Variants in COL5A1 observed in about 807,000 individuals in gnomAD.
COL5A1 encodes the protein collagen type V alpha 1 chain.
Under a neutral mutation model 263.7 loss-of-function variants are expected in COL5A1, and 16 were observed. The ratio of observed to expected loss-of-function variants is 0.06; its 90% CI spans 0.04 to 0.09. The LOEUF is 0.09. Among genes scored for constraint, COL5A1 ranks in the 10% least tolerant of loss-of-function variants. The pLI is 1.00. For synonymous variants in COL5A1, 1,012 were observed against 1,004.5 expected, an observed-to-expected ratio of 1.01 and a Z score of -0.14; for missense variants, 2,036 against 2,540.5, an observed-to-expected ratio of 0.80 and a Z score of 4.27.
At chr9:134,811,740 A>G (rs1018577362) in intron 46 of COL5A1, 141 bp downstream of exon 46, 10 of 727,640 alleles carry the variant, frequency 1.4e-5, no homozygotes, top group African/African-American at 5.3e-5. Flanking sequence ...CCTCATTCCA[A>G]CTGGAAGTGC....
chr9:134,843,155 CTTTT>C lies in COL5A1; in HGVS notation c.*862_*865del, dbSNP rs57599653. The stretch of plus-strand genomic sequence containing the variant: ...CAGACAGTTTTTGATTCGCTCTAGA[CTTTT>C]TTTTTTTTTAATAGGGAAAAAATTT... On this transcript the variant is annotated 3_prime_UTR_variant, in exon 66 of 66. Transcript: ENST00000371817. 1 of 108,528 alleles carries C rather than the reference CTTTT, an allele frequency of 9.2e-6. No homozygotes were observed. Among genetic ancestry groups the C allele is most frequent in the Non-Finnish European group, 2.1e-5 (1 of 48,132 alleles). 6.7% of individuals were successfully genotyped at this position (108,528 alleles called of 1,614,324 possible). A position where few individuals can be genotyped will look rare whatever the true frequency, so the allele number is the denominator to read the frequency against.
chr9:134,796,138 G>A (rs898527277), intron 34 of COL5A1, among the ~76,000 whole-genome samples: 3 of 152,232 alleles, frequency 2.0e-5, no homozygotes, highest in African/African-American at 7.2e-5. Flanking sequence ...TTCTGGAAAT[G>A]TCCAGCCTTG....
intron 11 of COL5A1, among the ~76,000 whole-genome samples, chr9:134,748,130 C>T: frequency 8.6e-6 from 1 of 115,814 alleles, no homozygotes; most frequent in African/African-American, 3.2e-5. Flanking sequence ...CATGCATCCA[C>T]ACATGCATAC....
At chr9:134,831,875 A>C (rs1241395770) in intron 64 of COL5A1, among the ~76,000 whole-genome samples, 1 of 152,172 alleles carries the variant, frequency 6.6e-6, no homozygotes, top group African/African-American at 2.4e-5. Context: ...GACCCAGGGA[A>C]CACATCAGCT....
At chr9:134,698,807 C>T (rs1833571475) in intron 2 of COL5A1, among the ~76,000 whole-genome samples, 1 of 152,274 alleles carries the variant, frequency 6.6e-6, no homozygotes, top group Non-Finnish European at 1.5e-5. Flanking sequence ...TTTGTTCCCA[C>T]TTCTAAAGAA....
In COL5A1 at chr9:134,794,781, G is replaced by A. The variant is rs75633644; in HGVS notation, c.2701-301G>A. On this transcript the variant is annotated intron_variant, in intron 32 of 65. Transcript: ENST00000371817. The surrounding 1 kb of genome is among the most constrained non-coding windows in gnomAD (Gnocchi z 4.3). ...GGAGGGAGGAAGGAGGAGGAGGGATGTAGCGGTGCTCTGAGGAAAGAAACC... is the reference window on the plus strand; with the variant it reads ...GGAGGGAGGAAGGAGGAGGAGGGATATAGCGGTGCTCTGAGGAAAGAAACC... Among the ~76,000 whole-genome samples, 6,451 of 152,314 alleles carry A rather than the reference G, an allele frequency of 0.042. 172 individuals are homozygous for A. Among genetic ancestry groups the A allele is most frequent in the Non-Finnish European group, 0.063 (4,280 of 68,024 alleles).
rs1278425850 is a variant in COL5A1 at position 134,772,718 on chromosome 9, C to T, written c.2287-72C>T. ...GGGCTCCATGATCATGGATGCTACG[C>T]AGGGAGGGGAAGCGAGGGAGGCTGC... On this transcript the variant is annotated intron_variant, in intron 25 of 65. Transcript: ENST00000371817. The T allele has an allele frequency of 5.5e-6, 8 of 1,448,482 alleles. No individual in the cohort carries two copies. The African/African-American group carries it at 8.4e-5, about 15-fold the overall frequency. The allele number at this position is 1,448,482 out of a possible 1,614,324, so 89.7% of individuals were successfully genotyped here. A position where few individuals can be genotyped will look rare whatever the true frequency, so the allele number is the denominator to read the frequency against.
At chr9:134,829,923 G>A (rs35176112) in intron 63 of COL5A1, 53 bp from the exon 64 acceptor site, 1 of 1,573,518 alleles carries the variant, frequency 6.4e-7, no homozygotes, top group Non-Finnish European at 8.7e-7. Flanking sequence ...GGCCGGAGAA[G>A]TAACCCTTTT....
In COL5A1 at chr9:134,841,019, C is replaced by G. The variant is rs766186758; in HGVS notation, c.5371-1138C>G. ...AGCTGCTGTCTGCTATCCGAATCTC[C>G]GGCCTGGGAGTCTGCGCTGGGCCCT... is the stretch of plus-strand genomic sequence containing the variant. On this transcript the variant is annotated intron_variant, in intron 65 of 65. Coordinates refer to ENST00000371817, the MANE Select transcript of COL5A1 (RefSeq NM_000093.5). The surrounding 1 kb of genome is among the most constrained non-coding windows in gnomAD (Gnocchi z 4.8). Among the ~76,000 whole-genome samples the G allele has an allele frequency of 2.0e-5, 3 of 152,220 alleles. No individual in the cohort carries two copies.
At chr9:134,738,957 A>T (rs1835202723) in intron 11 of COL5A1, 149 bp downstream of exon 11, 5 of 701,044 alleles carry the variant, frequency 7.1e-6, no homozygotes, top group South Asian at 3.3e-5. Flanking sequence ...CACTCCTCAC[A>T]CCAGCCCCGT....
At chr9:134,730,885 G>A (rs528589340) in intron 7 of COL5A1, among the ~76,000 whole-genome samples, 11 of 152,264 alleles carry the variant, frequency 7.2e-5, no homozygotes, top group African/African-American at 1.9e-4. Context: ...CAAATACAGC[G>A]AAGCAGGAGC....
At chr9:134,722,190 G>A (rs956333267) in intron 4 of COL5A1, among the ~76,000 whole-genome samples, 5 of 152,232 alleles carry the variant, frequency 3.3e-5, no homozygotes, top group South Asian at 2.1e-4. Flanking sequence ...TCGAAGTGAA[G>A]GGACCTCATG....
At chr9:134,811,211 G>A (rs1838508958) in intron 44 of COL5A1, 128 bp from the exon 45 acceptor site, 5 of 852,950 alleles carry the variant, frequency 5.9e-6, no homozygotes, top group Middle Eastern at 3.0e-4. Flanking sequence ...TGCAAGGAAC[G>A]ACACATTTGG....
At chr9:134,708,231 C>T (rs4295732) in intron 4 of COL5A1, among the ~76,000 whole-genome samples, 11,296 of 152,200 alleles carry the variant, frequency 0.074, 1,218 homozygotes, top group African/African-American at 0.24. Context: ...TCCACCGCCT[C>T]GGGCAGCCCC....
intron 1 of COL5A1, among the ~76,000 whole-genome samples, chr9:134,672,885 G>C (rs1225343614): frequency 1.3e-5 from 2 of 152,082 alleles, no homozygotes; most frequent in Non-Finnish European, 2.9e-5. Flanking sequence ...TGAACAGTTA[G>C]AAACAGGAAT....
intron 1 of COL5A1, chr9:134,649,489 T>C: frequency 6.4e-6 from 3 of 471,332 alleles, no homozygotes; most frequent in Non-Finnish European, 1.3e-5. Context: ...ATTTTCTGTT[T>C]CCTAGACCCG....
At chr9:134,825,985 G>A (rs1839249104) in intron 63 of COL5A1, 81 bp downstream of exon 63, 5 of 853,806 alleles carry the variant, frequency 5.9e-6, no homozygotes, top group South Asian at 5.6e-5. Flanking sequence ...AGCATTTCTT[G>A]TATATGCAGC....
intron 1 of COL5A1, among the ~76,000 whole-genome samples, chr9:134,663,475 G>A (rs1464112862): frequency 2.0e-5 from 3 of 152,202 alleles, no homozygotes; most frequent in East Asian, 1.9e-4. Context: ...GGAGGCCATG[G>A]GCACTTGAGG....
rs55882557 is a variant in COL5A1 at position 134,703,627 on chromosome 9, G to GTTTTTT, written c.654+2317_654+2322dup. 9.6e-5 allele frequency among the ~76,000 whole-genome samples: 7 copies of GTTTTTT among 73,230 alleles called. 1 individual carries two copies. Among genetic ancestry groups the GTTTTTT allele is most frequent in the African/African-American group, 3.4e-4 (6 of 17,524 alleles). The allele number at this position is 73,230 out of a possible 152,430, so 48.0% of individuals were successfully genotyped here. ...ATGGGAGGCCACGCGGTGGCCTCGG[G>GTTTTTT]TTTTTTTTTTTTTTTTTTTTTTTTT... On this transcript the variant is annotated intron_variant, in intron 4 of 65. Transcript: ENST00000371817.
Sources: gnomAD v4.1 joint callset for allele counts (sites outside exome capture counted in the v4.1 genomes callset) on GRCh38, gnomAD v4.1.1 for gene constraint, Gnocchi (gnomAD v3.1) non-coding constraint, MANE v1.5 for transcripts, NCBI Gene and HGNC (gene_info 2026-07-23, HGNC 2026-07-21) for gene names.